The following MAPK8 variants were observed in gnomAD, a reference collection of about 807,000 sequenced individuals.
MAPK8 encodes JUN N-terminal kinase.
A neutral mutation model predicts 52.9 loss-of-function variants in MAPK8; 13 were observed. The ratio of observed to expected loss-of-function variants is 0.25; its 90% CI spans 0.16 to 0.39. The LOEUF (loss-of-function observed/expected upper bound fraction) is 0.39, where lower values mean the gene tolerates loss of function less well. MAPK8 is among the 10% of genes least tolerant of loss of function. The probability of loss-of-function intolerance (pLI) is 1.00; values close to 1 mark genes in which losing one functional copy is unlikely to be tolerated. For missense variants in MAPK8, 300 were observed against 519.2 expected (o/e 0.58, Z 4.10); for synonymous variants, 191 against 169.8 (o/e 1.12, Z -0.97).
intron 2 of MAPK8, among the ~76,000 whole-genome samples, chr10:48,403,757 G>GT (rs939512765): frequency 6.3e-4 from 93 of 148,584 alleles, no homozygotes; most frequent in African/African-American, 1.5e-3. Context: ...TTGTTTTTTT[G>GT]TTTTTTTTTG....
intron 1 of MAPK8, among the ~76,000 whole-genome samples, chr10:48,347,383 A>G (rs1845888597): frequency 6.6e-6 from 1 of 152,294 alleles, no homozygotes; most frequent in East Asian, 1.9e-4. Flanking sequence ...TAACACAGAT[A>G]CTAGAATTAT....
intron 1 of MAPK8, among the ~76,000 whole-genome samples, chr10:48,355,851 G>T (rs1217592904): frequency 3.3e-5 from 5 of 152,080 alleles, no homozygotes; most frequent in Non-Finnish European, 4.4e-5. Context: ...CAAAGACAAA[G>T]AAAAGATCTT....
intron 1 of MAPK8, among the ~76,000 whole-genome samples, chr10:48,385,443 T>G (rs1251123402): frequency 6.6e-6 from 1 of 152,196 alleles, no homozygotes; most frequent in Non-Finnish European, 1.5e-5. Context: ...TTTCAGGAAC[T>G]TTTCCCATAT....
At chr10:48,326,827 C>T (rs2132211374) in intron 1 of MAPK8, among the ~76,000 whole-genome samples, 1 of 152,274 alleles carries the variant, frequency 6.6e-6, no homozygotes, top group Non-Finnish European at 1.5e-5. Flanking sequence ...AACCTGCCTC[C>T]CAGCACACAC....
chr10:48,422,401 G>T (rs1157925046), intron 6 of MAPK8, among the ~76,000 whole-genome samples: 1 of 152,156 alleles, frequency 6.6e-6, no homozygotes, highest in Non-Finnish European at 1.5e-5. Context: ...ATTTTGGAAA[G>T]CAGTGTAATC....
intron 1 of MAPK8, among the ~76,000 whole-genome samples, chr10:48,326,620 G>A (rs1323110871): frequency 6.6e-6 from 1 of 152,072 alleles, no homozygotes; most frequent in African/African-American, 2.4e-5. Flanking sequence ...AGAAATATCT[G>A]TATATCTATG....
chr10:48,320,065 T>C (rs1564475102), intron 1 of MAPK8, among the ~76,000 whole-genome samples: 1 of 151,890 alleles, frequency 6.6e-6, no homozygotes. Flanking sequence ...TACAGGCGCA[T>C]GCCACCACTG....
chr10:48,337,363 G>C (rs576624450), intron 1 of MAPK8, among the ~76,000 whole-genome samples: 3 of 149,126 alleles, frequency 2.0e-5, no homozygotes, highest in African/African-American at 7.5e-5. Context: ...CCTGAATGAC[G>C]TTTGGCTAAA....
intron 1 of MAPK8, among the ~76,000 whole-genome samples, chr10:48,346,418 G>A (rs1478652545): frequency 6.6e-6 from 1 of 152,250 alleles, no homozygotes; most frequent in Non-Finnish European, 1.5e-5. Context: ...CCCGGACAGG[G>A]CCACCAGAGG....
At chr10:48,427,447 C>T (rs527413211) in intron 10 of MAPK8, 28 of 299,248 alleles carry the variant, frequency 9.4e-5, no homozygotes, top group Middle Eastern at 1.2e-3. Context: ...TTTAAAATCA[C>T]GTATGGTTGT....
At chr10:48,379,938 T>TAAAAAA (rs373050540) in intron 1 of MAPK8, among the ~76,000 whole-genome samples, 29 of 115,882 alleles carry the variant, frequency 2.5e-4, no homozygotes, top group African/African-American at 6.0e-4. Context: ...ACAAAGCTCT[T>TAAAAAA]AAAAAAAAAA....
chr10:48,421,442 G>C (rs72794382), intron 6 of MAPK8, among the ~76,000 whole-genome samples: 1,764 of 152,284 alleles, frequency 0.012, 16 homozygotes, highest in Non-Finnish European at 0.016. Context: ...GGTGTTATGT[G>C]TCAGTGTCCT....
rs2045046821 is a variant in MAPK8 at position 48,438,559 on chromosome 10, C to A, written c.*3530C>A. On this transcript the variant is annotated 3_prime_UTR_variant, in exon 12 of 12. Coordinates refer to ENST00000374189, the MANE Select transcript of MAPK8 (RefSeq NM_001323329.2). ...TACTGAAACTTTTGAGAAATATTAC[C>A]TGTGGATTAATTTTGCACAATGTTC... 1 of 152,154 alleles carries A rather than the reference C, an allele frequency of 6.6e-6. No homozygotes were observed. The highest frequency in any genetic ancestry group is 2.1e-4 in the South Asian group (1 of 4,828). The allele number at this position is 152,154 out of a possible 1,614,324, so 9.4% of individuals were successfully genotyped here.
chr10:48,426,548 G>T, intron 9 of MAPK8, 44 bp downstream of exon 9: 2 of 1,556,242 alleles, frequency 1.3e-6, no homozygotes, highest in Non-Finnish European at 1.7e-6. Flanking sequence ...TGCATTCTTA[G>T]AGTTAGAATG....
In MAPK8 at chr10:48,341,381, T is replaced by C. The variant is rs1845241308; in HGVS notation, c.-50+34560T>C. On this transcript the variant is annotated intron_variant, in intron 1 of 11. Transcript: ENST00000374189. ...TCCAAACATCTGAAATCTGAAATGC[T>C]CCAAAATATGAAACTTTTTGAATGC... Among the ~76,000 whole-genome samples the C allele has an allele frequency of 3.3e-5, 5 of 152,286 alleles. 1 individual carries two copies. In the South Asian group the frequency reaches 1.0e-3, roughly 32 times the overall value.
chr10:48,321,431 A>G (rs774134141), intron 1 of MAPK8, among the ~76,000 whole-genome samples: 3 of 152,160 alleles, frequency 2.0e-5, no homozygotes, highest in East Asian at 1.9e-4. Flanking sequence ...TAACAGATGT[A>G]TGGTTTATAA....
chr10:48,357,973 C>G (rs1241115071), intron 1 of MAPK8, among the ~76,000 whole-genome samples: 6 of 152,180 alleles, frequency 3.9e-5, no homozygotes, highest in Non-Finnish European at 7.4e-5. Flanking sequence ...TGGTTTACTT[C>G]ACTTAGCATA....
chr10:48,387,404 A>G (rs1413590433), intron 1 of MAPK8, among the ~76,000 whole-genome samples: 4 of 152,200 alleles, frequency 2.6e-5, no homozygotes, highest in Admixed American at 6.5e-5. Flanking sequence ...CGAGTAGTAC[A>G]GAAAAGGGAG....
chr10:48,316,538 T>G (rs1351653736), intron 1 of MAPK8, among the ~76,000 whole-genome samples: 3 of 152,202 alleles, frequency 2.0e-5, no homozygotes, highest in Admixed American at 6.5e-5. Context: ...TTTAGTCTGG[T>G]GTCAGAGAGC....
Sources: gnomAD v4.1 joint callset for allele counts (sites outside exome capture counted in the v4.1 genomes callset) on GRCh38, gnomAD v4.1.1 for gene constraint, MANE v1.5 for transcripts, NCBI Gene and HGNC (gene_info 2026-07-23, HGNC 2026-07-21) for gene names.